Variants in IMMP2L observed in about 807,000 individuals in gnomAD.
IMMP2L encodes the protein inner mitochondrial membrane peptidase subunit 2, also known as mitochondrial inner membrane protease subunit 2.
Under a neutral mutation model 19.3 loss-of-function variants are expected in IMMP2L, and 18 were observed. The observed-to-expected ratio is 0.93, with a 90% CI of 0.64 to 1.38. The LOEUF is 1.38. Among genes scored for constraint, IMMP2L ranks in the 40% most tolerant of loss-of-function variants. The pLI is 0.00. For missense variants in IMMP2L, 233 were observed against 218.2 expected (o/e 1.07, Z -0.43); for synonymous variants, 76 against 73.0 (o/e 1.04, Z -0.21).
intron 3 of IMMP2L, among the ~76,000 whole-genome samples, chr7:111,238,057 C>T (rs2032291948): frequency 6.6e-6 from 1 of 152,016 alleles, no homozygotes. Context: ...AGATGGACTC[C>T]AAAGCTGCAT....
intron 4 of IMMP2L, among the ~76,000 whole-genome samples, chr7:110,892,819 A>G (rs1810942905): frequency 6.6e-6 from 1 of 152,304 alleles, no homozygotes; most frequent in Non-Finnish European, 1.5e-5. Flanking sequence ...ATACAACTCA[A>G]TGAATTTAAA....
At chr7:111,158,309 G>A (rs1804871392) in intron 3 of IMMP2L, among the ~76,000 whole-genome samples, 1 of 152,152 alleles carries the variant, frequency 6.6e-6, no homozygotes, top group Admixed American at 6.5e-5. Flanking sequence ...CATATAGAGA[G>A]AATCATCAAA....
intron 5 of IMMP2L, among the ~76,000 whole-genome samples, chr7:110,767,824 T>C (rs1450857632): frequency 6.6e-6 from 1 of 152,176 alleles, no homozygotes; most frequent in Non-Finnish European, 1.5e-5. Flanking sequence ...ATCCTGGTAA[T>C]GTCCCTACTT....
chr7:111,124,489 T>G, intron 3 of IMMP2L: 1 of 1,613,976 alleles, frequency 6.2e-7, no homozygotes, highest in Non-Finnish European at 8.5e-7. Flanking sequence ...TCGAATACCA[T>G]CTGATGTCAA....
chr7:110,969,580 A>C (rs1819926461), intron 3 of IMMP2L, among the ~76,000 whole-genome samples: 1 of 152,098 alleles, frequency 6.6e-6, no homozygotes, highest in Admixed American at 6.6e-5. Flanking sequence ...TAATGTTTCA[A>C]ATTTGTCTTA....
At chr7:111,198,714 A>C (rs1809766538) in intron 3 of IMMP2L, among the ~76,000 whole-genome samples, 2 of 152,102 alleles carry the variant, frequency 1.3e-5, no homozygotes, top group South Asian at 4.1e-4. Flanking sequence ...TACTTCCTTT[A>C]TGAAGCATTT....
intron 3 of IMMP2L, among the ~76,000 whole-genome samples, chr7:111,444,099 A>G (rs1838040149): frequency 1.3e-5 from 2 of 152,118 alleles, no homozygotes; most frequent in Non-Finnish European, 2.9e-5. Context: ...TCACTTTGTC[A>G]CTTGAGAGAA....
At chr7:111,329,343 C>T (rs773798568) in intron 3 of IMMP2L, among the ~76,000 whole-genome samples, 1 of 151,778 alleles carries the variant, frequency 6.6e-6, no homozygotes, top group Admixed American at 6.6e-5. Flanking sequence ...AAGGAAACTC[C>T]AAACTTCAAA....
chr7:111,489,036 CTTTTTTTT>C (rs35930780), intron 2 of IMMP2L, among the ~76,000 whole-genome samples: 1 of 87,178 alleles, frequency 1.1e-5, no homozygotes, highest in East Asian at 3.0e-4. Flanking sequence ...CCTCAATCCA[CTTTTTTTT>C]TTTTTTTTTT....
intron 3 of IMMP2L, among the ~76,000 whole-genome samples, chr7:111,057,116 G>C (rs939797420): frequency 4.6e-5 from 7 of 152,042 alleles, no homozygotes; most frequent in Non-Finnish European, 7.4e-5. Flanking sequence ...ACGACACTTT[G>C]GTTGCCACCG....
chr7:110,677,297 T>G (rs999019135), intron 5 of IMMP2L, among the ~76,000 whole-genome samples: 1 of 152,148 alleles, frequency 6.6e-6, no homozygotes, highest in Non-Finnish European at 1.5e-5. Flanking sequence ...AAATGAGCAA[T>G]TGCACTGTTA....
chr7:111,079,124 T>G, intron 3 of IMMP2L, among the ~76,000 whole-genome samples: 1 of 146,286 alleles, frequency 6.8e-6, no homozygotes, highest in Non-Finnish European at 1.5e-5. Context: ...ATTTTTTTCT[T>G]TTTTTTTTTT....
chr7:110,836,013 T>A (rs1804430262), intron 5 of IMMP2L, among the ~76,000 whole-genome samples: 1 of 152,106 alleles, frequency 6.6e-6, no homozygotes, highest in Non-Finnish European at 1.5e-5. Context: ...CACCTACAAA[T>A]GACATATATT....
intron 4 of IMMP2L, among the ~76,000 whole-genome samples, chr7:110,960,375 C>A (rs1013794042): frequency 6.6e-6 from 1 of 151,862 alleles, no homozygotes; most frequent in Non-Finnish European, 1.5e-5. Flanking sequence ...TCCCTTCTTC[C>A]ATACCTCTGG....
At chr7:110,922,527 A>C (rs1814403260) in intron 4 of IMMP2L, among the ~76,000 whole-genome samples, 1 of 152,142 alleles carries the variant, frequency 6.6e-6, no homozygotes. Flanking sequence ...ATCTAAATCC[A>C]CTTGACATAA....
intron 3 of IMMP2L, among the ~76,000 whole-genome samples, chr7:111,291,453 C>CT (rs1344246968): frequency 6.6e-6 from 1 of 152,146 alleles, no homozygotes; most frequent in Non-Finnish European, 1.5e-5. Context: ...TGTCCTTGTA[C>CT]TTTTACAGAG....
intron 3 of IMMP2L, among the ~76,000 whole-genome samples, chr7:111,067,856 A>T (rs921930640): frequency 6.6e-6 from 1 of 152,194 alleles, no homozygotes; most frequent in Non-Finnish European, 1.5e-5. Context: ...CAGCAAGAGA[A>T]ATAGGGAATG....
chr7:111,164,055 G>T (rs983844364), intron 3 of IMMP2L, among the ~76,000 whole-genome samples: 5 of 145,698 alleles, frequency 3.4e-5, no homozygotes, highest in Non-Finnish European at 7.5e-5. Flanking sequence ...ACTGGTAAAG[G>T]CATAGTATGA....
At chr7:111,251,522 A>G (rs35058871) in intron 3 of IMMP2L, among the ~76,000 whole-genome samples, 7,199 of 152,260 alleles carry the variant, frequency 0.047, 248 homozygotes, top group Non-Finnish European at 0.071. Flanking sequence ...TCAATGACAG[A>G]CTGGATAAAG....
Sources: allele counts gnomAD v4.1 joint callset (sites outside exome capture counted in the v4.1 genomes callset), GRCh38; gene constraint gnomAD v4.1.1; transcripts MANE v1.5; gene names NCBI Gene and HGNC (gene_info 2026-07-23, HGNC 2026-07-21).